Variants in EXOC4 observed in about 807,000 individuals in gnomAD.
EXOC4 encodes exocyst complex component 4.
EXOC4 carries 71 observed loss-of-function variants against 107.2 expected under a neutral mutation model. The observed-to-expected ratio is 0.66, with a 90% CI of 0.55 to 0.81. EXOC4 has a LOEUF of 0.81. EXOC4 is among the 30% of genes least tolerant of loss of function. The pLI is 0.00. For missense variants in EXOC4, 1,108 were observed against 1,189.6 expected (o/e 0.93, Z 1.01); for synonymous variants, 456 against 441.2 (o/e 1.03, Z -0.42).
At chr7:133,823,873 TATATATATATATATATATATTTTA>T (rs1797613559) in intron 11 of EXOC4, among the ~76,000 whole-genome samples, 2 of 6,072 alleles carry the variant, frequency 3.3e-4, no homozygotes, top group Non-Finnish European at 5.1e-4. Context: ...ATATATATAT[TATATATATATATATATATATTTTA>T]TATATATATA....
chr7:133,386,158 A>T (rs759318507), intron 7 of EXOC4, among the ~76,000 whole-genome samples: 6 of 152,220 alleles, frequency 3.9e-5, no homozygotes, highest in Non-Finnish European at 8.8e-5. Flanking sequence ...ATATTTTGAT[A>T]AAGGCACTGA....
intron 9 of EXOC4, among the ~76,000 whole-genome samples, chr7:133,574,270 T>C (rs1047430988): frequency 6.6e-6 from 1 of 152,172 alleles, no homozygotes; most frequent in Non-Finnish European, 1.5e-5. Flanking sequence ...TGTATAATTA[T>C]ATATGATTTA....
chr7:133,795,779 A>G (rs1021057362), intron 10 of EXOC4, among the ~76,000 whole-genome samples: 2 of 152,234 alleles, frequency 1.3e-5, no homozygotes, highest in Admixed American at 1.3e-4. Context: ...AAGCATCTCT[A>G]TCAACCGTGT....
At chr7:133,874,471 T>A (rs759226912) in intron 11 of EXOC4, among the ~76,000 whole-genome samples, 3 of 152,122 alleles carry the variant, frequency 2.0e-5, no homozygotes, top group Non-Finnish European at 4.4e-5. Flanking sequence ...CTGAACAAAT[T>A]TTCCCTTGTG....
chr7:133,949,798 C>T (rs1268123589), intron 14 of EXOC4, among the ~76,000 whole-genome samples: 1 of 152,138 alleles, frequency 6.6e-6, no homozygotes, highest in Non-Finnish European at 1.5e-5. Flanking sequence ...TCTACTTCTT[C>T]AGAATTGGAT....
chr7:133,638,039 GA>G (rs1271470479), intron 10 of EXOC4, among the ~76,000 whole-genome samples: 1 of 151,982 alleles, frequency 6.6e-6, no homozygotes. Flanking sequence ...GGGAAAACGG[GA>G]AATGTTAGTG....
chr7:133,962,053 A>G (rs1245098153), intron 14 of EXOC4, among the ~76,000 whole-genome samples: 1 of 152,116 alleles, frequency 6.6e-6, no homozygotes, highest in African/African-American at 2.4e-5. Context: ...CTTAATCTCA[A>G]CACCTCTTTG....
At chr7:134,041,877 TC>T (rs1795528159) in intron 17 of EXOC4, among the ~76,000 whole-genome samples, 1 of 152,208 alleles carries the variant, frequency 6.6e-6, no homozygotes, top group South Asian at 2.1e-4. Flanking sequence ...CTTTGTGCAG[TC>T]CAACAACAGT....
At chr7:134,011,785 TAA>T (rs58603369) in intron 17 of EXOC4, among the ~76,000 whole-genome samples, 66 of 138,098 alleles carry the variant, frequency 4.8e-4, no homozygotes, top group Admixed American at 6.6e-4. Context: ...ATGCTGTAGT[TAA>T]AAAAAAAAAA....
intron 10 of EXOC4, among the ~76,000 whole-genome samples, chr7:133,767,109 G>GT (rs1006933000): frequency 1.1e-4 from 17 of 150,622 alleles, no homozygotes; most frequent in African/African-American, 2.4e-4. Context: ...CTCTTACCTG[G>GT]TTTTTTTTTC....
chr7:134,057,428 G>A lies in EXOC4; in HGVS notation c.2688-6863G>A, dbSNP rs1176246189. ...TACCTAATTGTGCCACTAACTGTCT[G>A]AAAATTATTTAGCTTTTCTCCACCT... On this transcript the variant is annotated intron_variant, in intron 17 of 17. Transcript: ENST00000253861. Among the ~76,000 whole-genome samples, 3 of 151,124 alleles carry A rather than the reference G, an allele frequency of 2.0e-5. No homozygotes were observed. The East Asian group carries it at 5.8e-4, about 29-fold the overall frequency.
At chr7:133,561,853 G>A (rs1193928185) in intron 9 of EXOC4, among the ~76,000 whole-genome samples, 1 of 152,238 alleles carries the variant, frequency 6.6e-6, no homozygotes, top group Non-Finnish European at 1.5e-5. Context: ...GCTAGTGCCC[G>A]CTTTGCGCCC....
At chr7:133,324,632 A>G (rs1253324699) in intron 5 of EXOC4, among the ~76,000 whole-genome samples, 2 of 152,154 alleles carry the variant, frequency 1.3e-5, no homozygotes, top group South Asian at 2.1e-4. Context: ...ACTTCCTACT[A>G]TGGGGTCAAT....
chr7:133,615,119 A>T (rs1009353871), intron 9 of EXOC4, among the ~76,000 whole-genome samples: 19 of 152,152 alleles, frequency 1.2e-4, no homozygotes, highest in Non-Finnish European at 4.4e-5. Context: ...TACCATGTAG[A>T]AACATTGTTA....
chr7:133,979,660 C>T (rs1291785287), intron 14 of EXOC4, among the ~76,000 whole-genome samples: 6 of 151,744 alleles, frequency 4.0e-5, no homozygotes, highest in South Asian at 2.1e-4. Context: ...TGGTGGCGGG[C>T]GCCTGTAGTC....
intron 14 of EXOC4, among the ~76,000 whole-genome samples, chr7:133,951,196 A>G (rs1230770720): frequency 1.3e-5 from 2 of 152,158 alleles, no homozygotes; most frequent in Non-Finnish European, 2.9e-5. Flanking sequence ...AGCCCTACCC[A>G]TGGAATACCA....
rs540202181 is a variant in EXOC4, at chr7:133,923,384, A to G, written c.2027+5646A>G. 5.3e-5 allele frequency among the ~76,000 whole-genome samples: 8 copies of G among 152,074 alleles called. No individual in the cohort carries two copies. In the East Asian group the frequency reaches 1.4e-3, roughly 26 times the overall value. Reference sequence around the variant, plus strand: ...ATCCGCCCACCTCGGCCTCCCTTATAGTGTTGTATGAGAGTTCTAGTTGCC... The same window carrying G: ...ATCCGCCCACCTCGGCCTCCCTTATGGTGTTGTATGAGAGTTCTAGTTGCC... On this transcript the variant is annotated intron_variant, in intron 13 of 17. Coordinates refer to ENST00000253861, the MANE Select transcript of EXOC4 (RefSeq NM_021807.4).
intron 9 of EXOC4, among the ~76,000 whole-genome samples, chr7:133,569,441 A>G: frequency 6.6e-6 from 1 of 152,336 alleles, no homozygotes; most frequent in Middle Eastern, 3.4e-3. Flanking sequence ...ATCTTTAGGA[A>G]AGTGAATACA....
At chr7:133,943,344 C>T (rs919842367) in intron 14 of EXOC4, among the ~76,000 whole-genome samples, 1 of 152,148 alleles carries the variant, frequency 6.6e-6, no homozygotes, top group Admixed American at 6.5e-5. Context: ...GTTTTTGGCT[C>T]TGCATTATCA....
Sources: gnomAD v4.1 joint callset for allele counts (sites outside exome capture counted in the v4.1 genomes callset) on GRCh38, gnomAD v4.1.1 for gene constraint, MANE v1.5 for transcripts, NCBI Gene and HGNC (gene_info 2026-07-23, HGNC 2026-07-21) for gene names.